FGD5: variants seen among roughly 807,000 people sequenced by gnomAD.
FGD5 encodes the protein FYVE, RhoGEF and PH domain-containing protein 5.
In FGD5, 28 loss-of-function variants were observed where a neutral mutation model predicts 133.4. That is an observed-to-expected ratio of 0.21 (90% CI 0.16 to 0.29). The LOEUF is 0.29. Among genes scored for constraint, FGD5 ranks in the 10% least tolerant of loss-of-function variants. FGD5 has a pLI of 1.00. For synonymous variants in FGD5, 810 were observed against 776.5 expected, an observed-to-expected ratio of 1.04 and a Z score of -0.72; for missense variants, 1,858 against 1,895.2, an observed-to-expected ratio of 0.98 and a Z score of 0.36.
Position 14,922,940 on chromosome 3 carries a change from C to G in FGD5, c.3808-106C>G. 1 of 1,517,106 alleles carries G rather than the reference C, an allele frequency of 6.6e-7. No homozygotes were observed. The highest frequency in any genetic ancestry group is 1.7e-5 in the Admixed American group (1 of 58,162). The allele number at this position is 1,517,106 out of a possible 1,614,324, so 94.0% of individuals were successfully genotyped here. ...GCTCCATGATCAGAACCTGGGGCTC[C>G]CTAGGGGCAGTTGTGGGTGGATTAG... is the stretch of plus-strand genomic sequence containing the variant. On this transcript the variant is annotated intron_variant, in intron 15 of 19. Transcript: ENST00000285046. This position sits in a 1 kb window ranked among gnomAD's most constrained non-coding sequence, Gnocchi z 4.1.
upstream of FGD5, among the ~76,000 whole-genome samples, chr3:14,818,379 A>G (rs772856807): frequency 2.0e-5 from 3 of 152,284 alleles, no homozygotes; most frequent in African/African-American, 4.8e-5. Context: ...AATGGCAGCT[A>G]TTCAGTCATA....
intron 1 of FGD5, among the ~76,000 whole-genome samples, chr3:14,813,700 G>A (rs1277926973): frequency 6.6e-6 from 1 of 151,700 alleles, no homozygotes; most frequent in East Asian, 1.9e-4. Context: ...GCCCGAAAAG[G>A]GGAAGGGACT....
At position 14,897,940 on chromosome 3, in the gene FGD5, G is replaced by A. The variant is rs1226863364; in HGVS notation, c.2911G>A (p.Glu971Lys). Reference protein sequence around the residue: ...EELEERLSNWESQQKVADVFL... With the variant: ...EELEERLSNWKSQQKVADVFL... ...TCCCATCCCCATTCCTGGCTGCAGG[G>A]AGAGCCAGCAGAAGGTAGCTGACGT... Residue 971 changes from glutamate (E) to lysine (K), a missense_variant and splice_region_variant, in exon 6 of 20, where the codon GAG becomes AAG. Around this residue, in one of 3 missense-constraint regions of FGD5, gnomAD observed 1,824 missense variants for 1,848.9 expected, o/e 0.99. Transcript: ENST00000285046. 1.9e-6 allele frequency: 3 copies of A among 1,613,840 alleles called. No individual in the cohort carries two copies. The East Asian group carries it at 6.7e-5, about 36-fold the overall frequency.
intron 13 of FGD5, among the ~76,000 whole-genome samples, chr3:14,919,416 A>T (rs890129181): frequency 1.3e-5 from 2 of 152,184 alleles, no homozygotes; most frequent in East Asian, 1.9e-4. Context: ...CACAAGATCG[A>T]GGCCATCCTG....
chr3:14,849,914 G>T (rs535955792), intron 1 of FGD5, among the ~76,000 whole-genome samples: 1 of 152,284 alleles, frequency 6.6e-6, no homozygotes, highest in South Asian at 2.1e-4. Context: ...GTATTGGCTG[G>T]CTGTGTCTGT....
intron 1 of FGD5, among the ~76,000 whole-genome samples, chr3:14,840,038 C>G (rs1341961538): frequency 6.6e-6 from 1 of 152,236 alleles, no homozygotes; most frequent in African/African-American, 2.4e-5. Context: ...CACATTCTCA[C>G]ATCACTGAGT....
At chr3:14,831,121 G>A (rs1053761490) in intron 1 of FGD5, among the ~76,000 whole-genome samples, 3 of 152,188 alleles carry the variant, frequency 2.0e-5, no homozygotes, top group Non-Finnish European at 4.4e-5. Context: ...AATAGCAGGA[G>A]CAAAGGCCCT....
At position 14,922,140 on chromosome 3, in the gene FGD5, C is replaced by A. The variant is rs76309094; in HGVS notation, c.3669+123C>A. The A allele has an allele frequency of 0.067, 75,120 of 1,117,790 alleles. 2,974 individuals are homozygous for A. Among genetic ancestry groups the A allele is most frequent in the East Asian group, 0.17 (6,468 of 38,880 alleles). 69.2% of individuals were successfully genotyped at this position (1,117,790 alleles called of 1,614,324 possible). A position where few individuals can be genotyped will look rare whatever the true frequency, so the allele number is the denominator to read the frequency against. On this transcript the variant is annotated intron_variant, in intron 14 of 19. Coordinates refer to ENST00000285046, the MANE Select transcript of FGD5 (RefSeq NM_152536.4). This position sits in a 1 kb window ranked among gnomAD's most constrained non-coding sequence, Gnocchi z 4.1. ...AGCTCCTGTCTTGGGGCACTGGCTCCCCCCACACCCCTGCCATGCTCCCAC... is the reference window on the plus strand; with the variant it reads ...AGCTCCTGTCTTGGGGCACTGGCTCACCCCACACCCCTGCCATGCTCCCAC...
chr3:14,835,217 G>A (rs923225486), intron 1 of FGD5, among the ~76,000 whole-genome samples: 1 of 152,248 alleles, frequency 6.6e-6, no homozygotes, highest in African/African-American at 2.4e-5. Context: ...TGGACTACAG[G>A]CAGGGCGAGG....
chr3:14,933,154 C>T lies in FGD5; in HGVS notation c.4376C>T (p.Ala1459Val), dbSNP rs771379491. The T allele has an allele frequency of 1.6e-5, 26 of 1,613,460 alleles. No individual in the cohort carries two copies. Among genetic ancestry groups the T allele is most frequent in the Non-Finnish European group, 1.9e-5 (22 of 1,179,752 alleles). Residue 1459 changes from alanine to valine, a missense_variant, in exon 20 of 20, where the codon GCG becomes GTG. Ala to Val is a moderately conservative substitution (Grantham distance 64). Coordinates refer to ENST00000285046, the MANE Select transcript of FGD5 (RefSeq NM_152536.4). ...AQRWIEAMED[A>V]SVL ...AGGTGGATCGAGGCCATGGAAGATG[C>T]GAGTGTGTTATAGCAGTTATCAAGC...
chr3:14,875,912 G>T (rs1202441529), intron 2 of FGD5, among the ~76,000 whole-genome samples: 3 of 152,156 alleles, frequency 2.0e-5, no homozygotes, highest in Non-Finnish European at 4.4e-5. Flanking sequence ...ACTGATGGGG[G>T]TGTGTGCCGA....
intron 2 of FGD5, among the ~76,000 whole-genome samples, chr3:14,877,790 C>T (rs144955370): frequency 1.4e-3 from 211 of 152,250 alleles, no homozygotes; most frequent in African/African-American, 5.0e-3. Context: ...CCAGGGGTGA[C>T]GTCTTGCATC....
chr3:14,820,781 G>A lies in FGD5; in HGVS notation c.1710G>A (p.Gly570=). The A allele has an allele frequency of 6.2e-7, 1 of 1,613,820 alleles. No individual in the cohort carries two copies. Residue 570 remains glycine, a synonymous_variant, in exon 1 of 20, where the codon GGG becomes GGA. Transcript: ENST00000285046. ...VSVYQEPEGS[G]LDDHRIKRKE... ...TGTACCAGGAGCCTGAGGGGTCAGG[G>A]TTGGATGACCACAGGATAAAGAGGA...
At chr3:14,817,906 G>A (rs2036399123), upstream of FGD5, among the ~76,000 whole-genome samples, 4 of 152,310 alleles carry the variant, frequency 2.6e-5, no homozygotes, top group South Asian at 6.2e-4. Context: ...AGGGGGCCAG[G>A]CAGGTGACAA....
At chr3:14,871,592 G>A (rs2037607738) in intron 2 of FGD5, among the ~76,000 whole-genome samples, 1 of 152,190 alleles carries the variant, frequency 6.6e-6, no homozygotes, top group South Asian at 2.1e-4. Context: ...AGAGGAGAGG[G>A]AGGGAGGCAG....
chr3:14,923,772 A>G (rs1410106346), intron 16 of FGD5, among the ~76,000 whole-genome samples: 1 of 152,162 alleles, frequency 6.6e-6, no homozygotes, highest in African/African-American at 2.4e-5. Flanking sequence ...AGTCCCTGCT[A>G]CCTGGAGGCC....
At chr3:14,876,521 AAAATAAAT>A (rs529307518) in intron 2 of FGD5, among the ~76,000 whole-genome samples, 130 of 152,242 alleles carry the variant, frequency 8.5e-4, no homozygotes, top group African/African-American at 3.1e-3. Context: ...TTTTATGCAA[AAAATAAAT>A]AAATAAATAA....
In FGD5 at chr3:14,925,371, A is replaced by T. The variant is rs188366540; in HGVS notation, c.4069-699A>T. 3.9e-3 allele frequency among the ~76,000 whole-genome samples: 593 copies of T among 152,246 alleles called. 3 individuals carry two copies. The highest frequency in any genetic ancestry group is 4.7e-3 in the Non-Finnish European group (320 of 68,016). Reference sequence around the variant, plus strand: ...TTTCTCCACTTAATTTGTCTTAGAGATCATTTCATAATCACATATATGTAT... The same window carrying T: ...TTTCTCCACTTAATTTGTCTTAGAGTTCATTTCATAATCACATATATGTAT... On this transcript the variant is annotated intron_variant, in intron 17 of 19. Coordinates refer to ENST00000285046, the MANE Select transcript of FGD5 (RefSeq NM_152536.4).
intron 1 of FGD5, among the ~76,000 whole-genome samples, chr3:14,859,483 A>G (rs1024581753): frequency 2.0e-5 from 3 of 152,240 alleles, no homozygotes; most frequent in African/African-American, 7.2e-5. Context: ...ACTTGAACCT[A>G]GAAAGCAGAG....
Sources: allele counts gnomAD v4.1 joint callset (sites outside exome capture counted in the v4.1 genomes callset), GRCh38; gene constraint gnomAD v4.1.1; regional missense constraint gnomAD v4.1.1; non-coding constraint Gnocchi (gnomAD v3.1); transcripts MANE v1.5; gene names NCBI Gene and HGNC (gene_info 2026-07-23, HGNC 2026-07-21).